Variants in FLVCR2 observed in about 807,000 individuals in gnomAD.
FLVCR2 encodes the protein choline/ethanolamine transporter FLVCR2.
Under a neutral mutation model 48.9 loss-of-function variants are expected in FLVCR2, and 38 were observed. The ratio of observed to expected loss-of-function variants is 0.78; its 90% confidence interval spans 0.60 to 1.02. The LOEUF is 1.02. FLVCR2 is among the 50% of genes least tolerant of loss of function. The probability of loss-of-function intolerance (pLI) is 0.00; values close to 1 mark genes in which losing one functional copy is unlikely to be tolerated. For missense variants in FLVCR2, 664 were observed against 663.3 expected (o/e 1.00, Z -0.01); for synonymous variants, 255 against 257.0 (o/e 0.99, Z 0.07).
intron 3 of FLVCR2, among the ~76,000 whole-genome samples, chr14:75,629,112 C>T (rs931302740): frequency 6.6e-6 from 1 of 152,070 alleles, no homozygotes; most frequent in African/African-American, 2.4e-5. Flanking sequence ...TGGAGGAAAT[C>T]GAGGGTCCAA....
chr14:75,613,816 G>A (rs1889529703), intron 1 of FLVCR2, among the ~76,000 whole-genome samples: 1 of 152,166 alleles, frequency 6.6e-6, no homozygotes, highest in Non-Finnish European at 1.5e-5. Flanking sequence ...CTCCCAAAGT[G>A]CTGGGATTAT....
intron 2 of FLVCR2, among the ~76,000 whole-genome samples, chr14:75,624,367 A>C (rs567397117): frequency 6.8e-6 from 1 of 146,416 alleles, no homozygotes; most frequent in African/African-American, 2.6e-5. Context: ...AAAATAAAGA[A>C]AAAAAAAAAG....
Position 75,605,468 on chromosome 14 carries a change from G to C in FLVCR2, c.670-16611G>C. The C allele has an allele frequency of 2.0e-6, 3 of 1,510,412 alleles. No homozygotes were observed. The South Asian group carries it at 3.7e-5, about 19-fold the overall frequency. 93.6% of individuals were successfully genotyped at this position (1,510,412 alleles called of 1,614,324 possible). A position where few individuals can be genotyped will look rare whatever the true frequency, so the allele number is the denominator to read the frequency against. On this transcript the variant is annotated intron_variant, in intron 1 of 9. Transcript: ENST00000238667. The stretch of plus-strand genomic sequence containing the variant: ...TCTGGTGGCCCAGCCAGACACTTCT[G>C]CTTTCTGACTTGATTACAGGCATCT...
chr14:75,580,803 A>G (rs555651558), intron 1 of FLVCR2, among the ~76,000 whole-genome samples: 2 of 152,322 alleles, frequency 1.3e-5, no homozygotes, highest in South Asian at 4.1e-4. Context: ...CAATGGTGGA[A>G]TGAAATCAGT....
intron 3 of FLVCR2, among the ~76,000 whole-genome samples, chr14:75,628,442 C>T (rs181155743): frequency 1.3e-5 from 2 of 152,284 alleles, no homozygotes; most frequent in East Asian, 3.9e-4. Flanking sequence ...TCCAGAATTA[C>T]CCCAGTCCTC....
intron 1 of FLVCR2, among the ~76,000 whole-genome samples, chr14:75,590,575 C>T (rs560054058): frequency 1.3e-5 from 2 of 152,254 alleles, no homozygotes; most frequent in African/African-American, 4.8e-5. Context: ...AGGAGATTGT[C>T]TCATGGGAGT....
intron 3 of FLVCR2, among the ~76,000 whole-genome samples, chr14:75,630,406 C>T (rs1470463703): frequency 2.0e-5 from 3 of 152,142 alleles, no homozygotes; most frequent in African/African-American, 4.8e-5. Flanking sequence ...TTAACAAGTG[C>T]ATTGGGGTTT....
chr14:75,616,305 G>A (rs1416324356), intron 1 of FLVCR2, among the ~76,000 whole-genome samples: 2 of 150,876 alleles, frequency 1.3e-5, no homozygotes, highest in Non-Finnish European at 1.5e-5. Flanking sequence ...CCAGCCTGGC[G>A]ACAGAGTGAG....
chr14:75,598,493 T>A (rs1224100756), intron 1 of FLVCR2, among the ~76,000 whole-genome samples: 1 of 152,190 alleles, frequency 6.6e-6, no homozygotes, highest in East Asian at 1.9e-4. Context: ...TTTTCCGTTT[T>A]TAGAGACAGA....
At position 75,635,008 on chromosome 14, in the gene FLVCR2, C is replaced by T; in HGVS notation, c.1119C>T (p.Thr373=). Reference sequence around the variant, plus strand: ...GAATCTGGCTGGATAGGTCCAAAACCTACAAGTAAGTGACTCATCCTCTTG... The same window carrying T: ...GAATCTGGCTGGATAGGTCCAAAACTTACAAGTAAGTGACTCATCCTCTTG... ...ISGIWLDRSK[T]YKETTLVVYI... The change falls in exon 5 of 10, where the codon ACC becomes ACT. Residue 373 remains threonine (T), a synonymous_variant. Coordinates refer to ENST00000238667, the MANE Select transcript of FLVCR2 (RefSeq NM_017791.3). 6.2e-7 allele frequency: 1 copy of T among 1,603,028 alleles called. No homozygotes were observed.
chr14:75,585,429 GGT>G (rs1888719504), intron 1 of FLVCR2, among the ~76,000 whole-genome samples: 1 of 152,200 alleles, frequency 6.6e-6, no homozygotes, highest in East Asian at 1.9e-4. Context: ...TTTTAGGTCA[GGT>G]GTGAGTTGAA....
At chr14:75,622,747 A>C (rs956695573) in intron 2 of FLVCR2, among the ~76,000 whole-genome samples, 2 of 152,150 alleles carry the variant, frequency 1.3e-5, no homozygotes, top group Admixed American at 6.5e-5. Flanking sequence ...AAAAAAAAAA[A>C]CTGAAATTGA....
intron 1 of FLVCR2, among the ~76,000 whole-genome samples, chr14:75,613,512 A>G (rs1172604604): frequency 6.6e-6 from 1 of 152,006 alleles, no homozygotes; most frequent in Non-Finnish European, 1.5e-5. Flanking sequence ...CCCACCTCCG[A>G]CACTGGAGAT....
intron 2 of FLVCR2, among the ~76,000 whole-genome samples, chr14:75,623,312 T>C (rs561600473): frequency 2.5e-4 from 38 of 152,304 alleles, no homozygotes; most frequent in African/African-American, 8.7e-4. Context: ...TATATCCATG[T>C]ACATTTAATG....
At chr14:75,594,003 T>C (rs1330709554) in intron 1 of FLVCR2, among the ~76,000 whole-genome samples, 2 of 152,240 alleles carry the variant, frequency 1.3e-5, no homozygotes, top group African/African-American at 2.4e-5. Flanking sequence ...ATACAGCTCC[T>C]TCAATATTTT....
intron 1 of FLVCR2, among the ~76,000 whole-genome samples, chr14:75,580,247 G>A (rs994592481): frequency 9.2e-5 from 14 of 152,222 alleles, no homozygotes; most frequent in African/African-American, 2.7e-4. Context: ...AGAAAGGGTA[G>A]TTCATGTCTT....
At chr14:75,607,642 C>G (rs578162985) in intron 1 of FLVCR2, among the ~76,000 whole-genome samples, 1 of 152,172 alleles carries the variant, frequency 6.6e-6, no homozygotes, top group Non-Finnish European at 1.5e-5. Flanking sequence ...TCTGCTTCCT[C>G]GTCTGGACTT....
Position 75,579,116 on chromosome 14 carries a change from C to T in FLVCR2, c.144C>T (p.His48=). The T allele has an allele frequency of 6.2e-7, 1 of 1,614,108 alleles. No homozygotes were observed. The highest frequency in any genetic ancestry group is 2.2e-5 in the East Asian group (1 of 44,860). Residue 48 remains histidine (H), a synonymous_variant, in exon 1 of 10, where the codon CAC becomes CAT. Coordinates refer to ENST00000238667, the MANE Select transcript of FLVCR2 (RefSeq NM_017791.3). ...CCATCAACCCCAGCGTCTCTGTCCA[C>T]CCCAGCAGTTCGGCCCACCCCAGTG... is the stretch of plus-strand genomic sequence containing the variant. ...SVSINPSVSV[H]PSSSAHPSAL...
chr14:75,598,581 G>A (rs966275696), intron 1 of FLVCR2, among the ~76,000 whole-genome samples: 3 of 152,158 alleles, frequency 2.0e-5, no homozygotes, highest in Non-Finnish European at 2.9e-5. Flanking sequence ...GGGCTTAAGC[G>A]ATCCTTGCCT....
Sources: allele counts gnomAD v4.1 joint callset (sites outside exome capture counted in the v4.1 genomes callset), GRCh38; gene constraint gnomAD v4.1.1; transcripts MANE v1.5; gene names NCBI Gene and HGNC (gene_info 2026-07-23, HGNC 2026-07-21).